The following SLCO1B3 variants were observed in gnomAD, a reference collection of about 807,000 sequenced individuals.
SLCO1B3 encodes solute carrier organic anion transporter family member 1B3, also known as liver-specific organic anion transporter 2.
SLCO1B3 carries 72 observed loss-of-function variants against 71.8 expected under a neutral mutation model. The ratio of observed to expected loss-of-function variants is 1.00; its 90% CI spans 0.83 to 1.22. SLCO1B3 has a LOEUF of 1.22. Among genes scored for constraint, SLCO1B3 ranks in the 50% most tolerant of loss-of-function variants. The pLI is 0.00. For synonymous variants in SLCO1B3, 298 were observed against 278.4 expected (o/e 1.07, Z -0.70); for missense variants, 911 against 819.7 (o/e 1.11, Z -1.36).
At chr12:20,854,932 G>C (rs774606038) in intron 3 of SLCO1B3, 96 bp from the exon 4 acceptor site, 5 of 1,136,156 alleles carry the variant, frequency 4.4e-6, no homozygotes, top group Non-Finnish European at 6.3e-6. Flanking sequence ...TAATGTTTTC[G>C]AGTAAAGAAG....
At chr12:20,875,730 T>A (rs1249689769) in intron 9 of SLCO1B3, among the ~76,000 whole-genome samples, 1 of 152,170 alleles carries the variant, frequency 6.6e-6, no homozygotes, top group Non-Finnish European at 1.5e-5. Flanking sequence ...CATCTGTTGC[T>A]TATAAGCCAG....
At chr12:20,867,885 G>C (rs1292815336) in intron 8 of SLCO1B3, among the ~76,000 whole-genome samples, 2 of 152,030 alleles carry the variant, frequency 1.3e-5, no homozygotes, top group African/African-American at 2.4e-5. Flanking sequence ...TGCCTTTCCT[G>C]TCTTTCTTTT....
Position 20,862,682 on chromosome 12 carries a change from T to C in SLCO1B3, c.629-74T>C. 4 of 1,450,284 alleles carry C rather than the reference T, an allele frequency of 2.8e-6. No individual in the cohort carries two copies. The East Asian group carries it at 9.1e-5, about 33-fold the overall frequency. The allele number at this position is 1,450,284 out of a possible 1,614,324, so 89.8% of individuals were successfully genotyped here. A position where few individuals can be genotyped will look rare whatever the true frequency, so the allele number is the denominator to read the frequency against. On this transcript the variant is annotated intron_variant, in intron 7 of 15. Coordinates refer to ENST00000381545, the MANE Select transcript of SLCO1B3 (RefSeq NM_019844.4). ...ATTTGCAGAAGTGTATTGTATAATA[T>C]TACTTTTAAAAGCATGTTAAATGAA...
chr12:20,861,697 A>G (rs1013872078), intron 6 of SLCO1B3, among the ~76,000 whole-genome samples: 1 of 151,674 alleles, frequency 6.6e-6, no homozygotes, highest in Admixed American at 6.6e-5. Flanking sequence ...ACACAATAAT[A>G]TAAGTATAAT....
At chr12:20,896,944 G>A (rs1866019708) in intron 13 of SLCO1B3, among the ~76,000 whole-genome samples, 1 of 152,192 alleles carries the variant, frequency 6.6e-6, no homozygotes, top group Admixed American at 6.5e-5. Flanking sequence ...GAGAGTTTGT[G>A]CAGGAAAACT....
intron 15 of SLCO1B3, among the ~76,000 whole-genome samples, chr12:20,906,988 G>A (rs1591792546): frequency 6.6e-6 from 1 of 151,860 alleles, no homozygotes; most frequent in East Asian, 1.9e-4. Flanking sequence ...TTAATAATGT[G>A]CATGCAGGCA....
intron 8 of SLCO1B3, among the ~76,000 whole-genome samples, chr12:20,873,322 G>A (rs1865512397): frequency 6.6e-6 from 1 of 151,170 alleles, no homozygotes; most frequent in Admixed American, 6.6e-5. Context: ...TTTCCCCATG[G>A]AGGAGCTAAG....
At chr12:20,878,749 T>G (rs1463459833) in intron 10 of SLCO1B3, among the ~76,000 whole-genome samples, 2 of 152,126 alleles carry the variant, frequency 1.3e-5, no homozygotes, top group Non-Finnish European at 2.9e-5. Context: ...GTTAGAGGAA[T>G]CTTCACCTTT....
intron 3 of SLCO1B3, among the ~76,000 whole-genome samples, chr12:20,818,598 T>C (rs1034310123): frequency 2.0e-5 from 3 of 151,924 alleles, no homozygotes; most frequent in Admixed American, 1.3e-4. Flanking sequence ...CCTTGAGGAG[T>C]AGCAGATGGA....
At chr12:20,914,654 TC>T (rs1315128717) in intron 15 of SLCO1B3, among the ~76,000 whole-genome samples, 1 of 152,162 alleles carries the variant, frequency 6.6e-6, no homozygotes, top group Non-Finnish European at 1.5e-5. Flanking sequence ...TATATCATTT[TC>T]CTTCTAACAA....
At chr12:20,894,382 AGT>A (rs952397603) in intron 13 of SLCO1B3, among the ~76,000 whole-genome samples, 27 of 152,054 alleles carry the variant, frequency 1.8e-4, no homozygotes, top group African/African-American at 6.5e-4. Context: ...TGTAGGGGTG[AGT>A]GTGTGTGATT....
At chr12:20,835,013 G>A (rs1864646788) in intron 3 of SLCO1B3, among the ~76,000 whole-genome samples, 1 of 152,190 alleles carries the variant, frequency 6.6e-6, no homozygotes, top group South Asian at 2.1e-4. Flanking sequence ...TCTAGGTGGA[G>A]GTTCCCAAAC....
intron 1 of SLCO1B3, among the ~76,000 whole-genome samples, chr12:20,811,388 A>G (rs918976455): frequency 3.9e-5 from 6 of 152,226 alleles, no homozygotes; most frequent in Non-Finnish European, 8.8e-5. Context: ...TCACCCATTC[A>G]GGAAGGTGGC....
intron 13 of SLCO1B3, among the ~76,000 whole-genome samples, chr12:20,889,945 T>A (rs1013070648): frequency 2.0e-5 from 3 of 151,644 alleles, no homozygotes; most frequent in Non-Finnish European, 2.9e-5. Flanking sequence ...GGGGACAGAA[T>A]CTCACTCTGT....
rs373870439 is a variant in SLCO1B3, at chr12:20,850,383, C to A, written c.85-4645C>A. On this transcript the variant is annotated intron_variant, in intron 3 of 15. Coordinates refer to ENST00000381545, the MANE Select transcript of SLCO1B3 (RefSeq NM_019844.4). ...CAAGCTCTGCCTCCCGGGATCACGC[C>A]ATTCTCCTGCCTCAGCCTCCTGAGT... Among the ~76,000 whole-genome samples the A allele has an allele frequency of 8.0e-4, 122 of 151,768 alleles. 2 individuals carry two copies. In the South Asian group the frequency reaches 0.025, roughly 31 times the overall value.
chr12:20,849,474 G>A (rs866746430), intron 3 of SLCO1B3, among the ~76,000 whole-genome samples: 17 of 151,942 alleles, frequency 1.1e-4, no homozygotes, highest in Non-Finnish European at 2.4e-4. Flanking sequence ...TGAAAGTTTT[G>A]TCCCTGTAAT....
In SLCO1B3 at chr12:20,881,003, G is replaced by T. The variant is rs762021606; in HGVS notation, c.1480G>T (p.Gly494Cys). 1.9e-6 allele frequency: 3 copies of T among 1,608,554 alleles called. No individual in the cohort carries two copies. The highest frequency in any genetic ancestry group is 2.5e-6 in the Non-Finnish European group (3 of 1,177,174). Residue 494 changes from glycine (G) to cysteine (C), a missense_variant, in exon 12 of 16, where the codon GGT becomes TGT. Transcript: ENST00000381545. ...TCTAGCAGGATGCAAATCCTCAAGT[G>T]GTATTAAAAAGCATACAGTGAGTAT... ...PCLAGCKSSSGIKKHTVFYNC... is the reference protein window; with the variant it reads ...PCLAGCKSSSCIKKHTVFYNC...
chr12:20,869,291 T>G lies in SLCO1B3; in HGVS notation c.728-5944T>G, dbSNP rs576800386. On this transcript the variant is annotated intron_variant, in intron 8 of 15. Transcript: ENST00000381545. ...AAGGAGCCCTTCTGGTGGCCCTGTG[T>G]GGGCATAACAGAAGGCTCGCACTCT... Among the ~76,000 whole-genome samples the G allele has an allele frequency of 5.9e-5, 9 of 152,344 alleles. 1 individual carries two copies. In the South Asian group the frequency reaches 1.9e-3, roughly 32 times the overall value.
intron 2 of SLCO1B3, among the ~76,000 whole-genome samples, chr12:20,814,976 C>CTTTTTTTTTTTTTTTT (rs1297703814): frequency 1.7e-5 from 2 of 117,112 alleles, no homozygotes; most frequent in East Asian, 2.5e-4. Flanking sequence ...CTTTTCTTTT[C>CTTTTTTTTTTTTTTTT]TTTTCTTTTT....
Sources: allele counts gnomAD v4.1 joint callset (sites outside exome capture counted in the v4.1 genomes callset), GRCh38; gene constraint gnomAD v4.1.1; transcripts MANE v1.5; gene names NCBI Gene and HGNC (gene_info 2026-07-23, HGNC 2026-07-21).